HMCN1: variants seen among roughly 807,000 people sequenced by gnomAD.
HMCN1 encodes hemicentin 1.
In HMCN1, 321 loss-of-function variants were observed where a neutral mutation model predicts 625.9. That is an observed-to-expected ratio of 0.51 (90% confidence interval 0.47 to 0.56). The LOEUF (loss-of-function observed/expected upper bound fraction) is 0.56, where lower values mean the gene tolerates loss of function less well. HMCN1 is among the 20% of genes least tolerant of loss of function. The pLI is 0.00. For missense variants in HMCN1, 6,588 were observed against 6,887.3 expected, an observed-to-expected ratio of 0.96 and a Z score of 1.54; for synonymous variants, 2,425 against 2,417.6, an observed-to-expected ratio of 1.00 and a Z score of -0.09.
At chr1:186,077,545 A>G (rs1380523357) in intron 54 of HMCN1, among the ~76,000 whole-genome samples, 1 of 152,180 alleles carries the variant, frequency 6.6e-6, no homozygotes, top group East Asian at 1.9e-4. Context: ...CATATGACAG[A>G]GAGAGATAAG....
intron 4 of HMCN1, among the ~76,000 whole-genome samples, chr1:185,891,808 G>A (rs996316483): frequency 6.1e-5 from 9 of 147,762 alleles, no homozygotes; most frequent in Admixed American, 4.0e-4. Context: ...CTCTTCTCGA[G>A]GAGTATCTTT....
At chr1:185,794,346 T>C (rs1658213762) in intron 1 of HMCN1, among the ~76,000 whole-genome samples, 1 of 149,998 alleles carries the variant, frequency 6.7e-6, no homozygotes, top group African/African-American at 2.4e-5. Context: ...GGATAGATTA[T>C]ATATATATAT....
In HMCN1 at chr1:186,190,504, A is replaced by T; in HGVS notation, c.*626A>T. 5.0e-6 allele frequency: 1 copy of T among 201,784 alleles called. No individual in the cohort carries two copies. The highest frequency in any genetic ancestry group is 1.0e-5 in the Non-Finnish European group (1 of 97,922). 12.5% of individuals were successfully genotyped at this position (201,784 alleles called of 1,614,324 possible). A position where few individuals can be genotyped will look rare whatever the true frequency, so the allele number is the denominator to read the frequency against. ...CAGAACAAGGATATTATTTTCAGTG[A>T]TTTTGTGAGATCAGCTGAACCACTT... On this transcript the variant is annotated 3_prime_UTR_variant, in exon 107 of 107. Coordinates refer to ENST00000271588, the MANE Select transcript of HMCN1 (RefSeq NM_031935.3).
intron 1 of HMCN1, among the ~76,000 whole-genome samples, chr1:185,788,706 G>C (rs887438377): frequency 1.3e-5 from 2 of 152,190 alleles, no homozygotes; most frequent in African/African-American, 4.8e-5. Flanking sequence ...GTGTGTCCAC[G>C]TGTGCTCTTA....
chr1:185,898,106 A>G, intron 4 of HMCN1, among the ~76,000 whole-genome samples: 1 of 152,212 alleles, frequency 6.6e-6, no homozygotes, highest in Non-Finnish European at 1.5e-5. Context: ...TAGGCACTGA[A>G]GCTGGAAAGT....
At chr1:185,931,655 GGAA>G (rs1223637650) in intron 10 of HMCN1, among the ~76,000 whole-genome samples, 1 of 152,086 alleles carries the variant, frequency 6.6e-6, no homozygotes, top group Non-Finnish European at 1.5e-5. Flanking sequence ...TGAAGGAAGT[GGAA>G]GAAGAGGAAC....
rs572723167 is a variant in HMCN1 at position 186,011,365 on chromosome 1, T to C, written c.4631-3794T>C. 2.0e-5 allele frequency among the ~76,000 whole-genome samples: 3 copies of C among 152,340 alleles called. No individual in the cohort carries two copies. In the South Asian group the frequency reaches 6.2e-4, roughly 32 times the overall value. On this transcript the variant is annotated intron_variant, in intron 30 of 106. Coordinates refer to ENST00000271588, the MANE Select transcript of HMCN1 (RefSeq NM_031935.3). Reference sequence around the variant, plus strand: ...AGCCTACTGCTGATTTTTAATGCGATTTTACCTATTTCGTCTTTGAAAATG... The same window carrying C: ...AGCCTACTGCTGATTTTTAATGCGACTTTACCTATTTCGTCTTTGAAAATG...
intron 105 of HMCN1, among the ~76,000 whole-genome samples, chr1:186,185,583 A>G (rs758720070): frequency 1.3e-5 from 2 of 152,204 alleles, no homozygotes; most frequent in African/African-American, 4.8e-5. Context: ...ACTAACTAAA[A>G]AGTTATTTAC....
intron 1 of HMCN1, among the ~76,000 whole-genome samples, chr1:185,826,025 G>A (rs1660490153): frequency 6.6e-6 from 1 of 152,158 alleles, no homozygotes; most frequent in South Asian, 2.1e-4. Flanking sequence ...TCAGAGTAAA[G>A]ACAAATCTGG....
chr1:185,874,420 T>C (rs2102376657), intron 4 of HMCN1, among the ~76,000 whole-genome samples: 1 of 152,180 alleles, frequency 6.6e-6, no homozygotes, highest in South Asian at 2.1e-4. Flanking sequence ...AATTTCCTTA[T>C]GGCCCAGGAT....
intron 71 of HMCN1, among the ~76,000 whole-genome samples, chr1:186,111,474 C>T (rs554405345): frequency 6.6e-6 from 1 of 152,062 alleles, no homozygotes; most frequent in African/African-American, 2.4e-5. Context: ...CAGAGCAAGA[C>T]CCCACCTGAA....
At chr1:186,146,506 A>T (rs916642213) in intron 93 of HMCN1, among the ~76,000 whole-genome samples, 1 of 152,178 alleles carries the variant, frequency 6.6e-6, no homozygotes, top group Admixed American at 6.5e-5. Flanking sequence ...TAAAGGTTGT[A>T]AGAAGACCAA....
At chr1:186,044,941 T>C (rs1270516364) in intron 40 of HMCN1, among the ~76,000 whole-genome samples, 4 of 152,110 alleles carry the variant, frequency 2.6e-5, no homozygotes, top group Admixed American at 2.6e-4. Flanking sequence ...CCTTAAACTT[T>C]TCAGAAAACA....
chr1:186,058,104 C>T (rs1657461585), intron 46 of HMCN1, among the ~76,000 whole-genome samples: 1 of 151,920 alleles, frequency 6.6e-6, no homozygotes, highest in South Asian at 2.1e-4. Context: ...ACACCTCATG[C>T]TGGAGCTTTT....
chr1:186,109,180 T>A (rs1438983043), intron 71 of HMCN1, among the ~76,000 whole-genome samples: 1 of 152,238 alleles, frequency 6.6e-6, no homozygotes, highest in Non-Finnish European at 1.5e-5. Flanking sequence ...TTTGAATGTT[T>A]TGGATTATCC....
At chr1:186,076,324 A>T (rs949745116) in intron 53 of HMCN1, 104 bp from the exon 54 acceptor site, 4 of 1,133,128 alleles carry the variant, frequency 3.5e-6, no homozygotes, top group Non-Finnish European at 5.2e-6. Flanking sequence ...TTATTTCCAC[A>T]TTGTCTAATC....
At chr1:186,027,879 C>T (rs1558155756) in intron 36 of HMCN1, among the ~76,000 whole-genome samples, 1 of 152,148 alleles carries the variant, frequency 6.6e-6, no homozygotes, top group Non-Finnish European at 1.5e-5. Flanking sequence ...CATCTGCTAA[C>T]ACCCACTCAA....
chr1:185,751,371 T>C (rs1654805750), intron 1 of HMCN1, among the ~76,000 whole-genome samples: 1 of 152,162 alleles, frequency 6.6e-6, no homozygotes, highest in Admixed American at 6.5e-5. Context: ...TGAAAAGTCT[T>C]CTCTTAGTCT....
rs753576630 is a variant in HMCN1, at chr1:186,137,876, A to G, written c.13828A>G (p.Thr4610Ala). ...CTGTGGACGCGGCAACCAAACCAGG[A>G]CCAGGACTTGCAATAATCCATCAGT... The part of the protein sequence containing the change: ...RSCGRGNQTR[T>A]RTCNNPSVQH... The change falls in exon 89 of 107, where the codon ACC becomes GCC. Residue 4610 changes from threonine to alanine, a missense_variant. By Grantham distance (58) the Thr-to-Ala change is moderately conservative. Around this residue, in one of 3 missense-constraint regions of HMCN1, gnomAD observed 1,954 missense variants for 2,013.1 expected, o/e 0.97. Coordinates refer to ENST00000271588, the MANE Select transcript of HMCN1 (RefSeq NM_031935.3). 10 of 1,613,962 alleles carry G rather than the reference A, an allele frequency of 6.2e-6. No homozygotes were observed. The highest frequency in any genetic ancestry group is 8.5e-6 in the Non-Finnish European group (10 of 1,179,982).
Sources: gnomAD v4.1 joint callset for allele counts (sites outside exome capture counted in the v4.1 genomes callset) on GRCh38, gnomAD v4.1.1 for gene constraint, gnomAD v4.1.1 regional missense constraint, MANE v1.5 for transcripts, NCBI Gene and HGNC (gene_info 2026-07-23, HGNC 2026-07-21) for gene names.